Variants in MTA3 observed in about 807,000 individuals in gnomAD.
MTA3 encodes the protein metastasis-associated protein MTA3.
Under a neutral mutation model 83.5 loss-of-function variants are expected in MTA3, and 34 were observed. That is an observed-to-expected ratio of 0.41 (90% CI 0.31 to 0.54). MTA3 has a LOEUF of 0.54. MTA3 is among the 20% of genes least tolerant of loss of function. MTA3 has a pLI of 0.33. For missense variants in MTA3, 761 were observed against 726.4 expected (o/e 1.05, Z -0.55); for synonymous variants, 303 against 252.7 (o/e 1.20, Z -1.89).
At chr2:42,658,360 T>C (rs760006206) in intron 7 of MTA3, among the ~76,000 whole-genome samples, 1 of 152,168 alleles carries the variant, frequency 6.6e-6, no homozygotes, top group Non-Finnish European at 1.5e-5. Context: ...AAGATACGTA[T>C]ACAAATGGAT....
chr2:42,570,546 A>G, intron 2 of MTA3, 42 bp downstream of exon 2: 1 of 1,219,838 alleles, frequency 8.2e-7, no homozygotes, highest in Non-Finnish European at 1.1e-6. Context: ...AAAAATATTT[A>G]TTTTCCCTTG....
At chr2:42,541,041 T>G (rs1184834002) in intron 2 of MTA3, among the ~76,000 whole-genome samples, 7 of 151,740 alleles carry the variant, frequency 4.6e-5, no homozygotes. Context: ...ATTTTTTTTT[T>G]TTTTTTTGAG....
chr2:42,607,842 T>A (rs1683673693), intron 3 of MTA3, among the ~76,000 whole-genome samples: 1 of 152,118 alleles, frequency 6.6e-6, no homozygotes, highest in African/African-American at 2.4e-5. Flanking sequence ...TCCCAGCTAC[T>A]CAGGAGGCTG....
chr2:42,634,936 AG>A (rs1298492065), intron 4 of MTA3, among the ~76,000 whole-genome samples: 1 of 152,104 alleles, frequency 6.6e-6, no homozygotes, highest in African/African-American at 2.4e-5. Context: ...TGAACATGTC[AG>A]TATTATGTAT....
At chr2:42,504,270 C>A (rs113210289) in intron 2 of MTA3, among the ~76,000 whole-genome samples, 1 of 151,372 alleles carries the variant, frequency 6.6e-6, no homozygotes. Flanking sequence ...CAAAAGACTT[C>A]GCTCTGTCAT....
intron 2 of MTA3, among the ~76,000 whole-genome samples, chr2:42,520,357 A>G (rs772876933): frequency 4.6e-5 from 7 of 152,192 alleles, no homozygotes; most frequent in South Asian, 4.1e-4. Flanking sequence ...GAGCAAACCA[A>G]TGACCCTCTT....
chr2:42,677,766 G>A (rs557473837), intron 8 of MTA3, among the ~76,000 whole-genome samples: 1 of 152,288 alleles, frequency 6.6e-6, no homozygotes, highest in African/African-American at 2.4e-5. Context: ...CCCCAGCCAT[G>A]TGGAACTGTA....
At chr2:42,547,699 G>A (rs555055745) in intron 2 of MTA3, among the ~76,000 whole-genome samples, 6 of 152,334 alleles carry the variant, frequency 3.9e-5, no homozygotes, top group African/African-American at 1.4e-4. Context: ...CTTAGCTATT[G>A]TTACAGGCGC....
At chr2:42,540,823 A>G in intron 2 of MTA3, among the ~76,000 whole-genome samples, 1 of 150,082 alleles carries the variant, frequency 6.7e-6, no homozygotes, top group East Asian at 2.0e-4. Flanking sequence ...TGGCAGAGCA[A>G]GACCCTGTCT....
At chr2:42,709,298 T>C in intron 14 of MTA3, 2 of 1,406,912 alleles carry the variant, frequency 1.4e-6, no homozygotes, top group Non-Finnish European at 9.2e-7. Flanking sequence ...AATCAAAACA[T>C]TGAAACTTCT....
intron 2 of MTA3, among the ~76,000 whole-genome samples, chr2:42,534,473 T>G (rs1676125823): frequency 6.6e-6 from 1 of 152,098 alleles, no homozygotes; most frequent in Non-Finnish European, 1.5e-5. Flanking sequence ...GGTGAGCACC[T>G]GTAGTTCCAG....
intron 2 of MTA3, among the ~76,000 whole-genome samples, chr2:42,559,053 T>C (rs1677537814): frequency 6.6e-6 from 1 of 152,114 alleles, no homozygotes; most frequent in Non-Finnish European, 1.5e-5. Context: ...TGGCAGGTAA[T>C]CTCACCAGTC....
chr2:42,549,074 G>A (rs1676945434), intron 2 of MTA3, among the ~76,000 whole-genome samples: 1 of 137,126 alleles, frequency 7.3e-6, no homozygotes, highest in Admixed American at 8.6e-5. Flanking sequence ...CTCGGAGGCT[G>A]AGACAGGAGA....
intron 11 of MTA3, among the ~76,000 whole-genome samples, chr2:42,701,257 A>C (rs1174832689): frequency 7.1e-6 from 1 of 140,192 alleles, no homozygotes; most frequent in Non-Finnish European, 1.5e-5. Flanking sequence ...GGCCATGGTC[A>C]TGCCACTGCA....
chr2:42,730,050 C>G (rs1006149774), intron 16 of MTA3, among the ~76,000 whole-genome samples: 7 of 152,106 alleles, frequency 4.6e-5, no homozygotes, highest in African/African-American at 1.7e-4. Flanking sequence ...AGAAATACTA[C>G]TGATTTTTGT....
intron 4 of MTA3, among the ~76,000 whole-genome samples, chr2:42,614,938 C>G (rs1421070356): frequency 6.7e-6 from 1 of 150,086 alleles, no homozygotes; most frequent in Non-Finnish European, 1.5e-5. Context: ...GATTGTGACA[C>G]TGTACTTTAG....
Position 42,754,470 on chromosome 2 carries a change from C to A in MTA3, c.*1071C>A. ...GGCTTGGGCTCTTCGTGTTTCCCAC[C>A]TGCCCTCGGCACGAGCCCTTGGTGG... On this transcript the variant is annotated 3_prime_UTR_variant, in exon 17 of 17. Transcript: ENST00000405094. The A allele has an allele frequency of 1.0e-6, 1 of 985,588 alleles. No homozygotes were observed. Among genetic ancestry groups the A allele is most frequent in the Non-Finnish European group, 1.2e-6 (1 of 830,050 alleles). The allele number at this position is 985,588 out of a possible 1,614,324, so 61.1% of individuals were successfully genotyped here. A position where few individuals can be genotyped will look rare whatever the true frequency, so the allele number is the denominator to read the frequency against.
At chr2:42,626,996 C>G (rs1004204006) in intron 4 of MTA3, among the ~76,000 whole-genome samples, 2 of 152,228 alleles carry the variant, frequency 1.3e-5, no homozygotes, top group Admixed American at 1.3e-4. Context: ...CTGTCTTGGC[C>G]TCCCAAAGTG....
chr2:42,648,720 A>C (rs1688437575), intron 6 of MTA3, among the ~76,000 whole-genome samples: 1 of 152,182 alleles, frequency 6.6e-6, no homozygotes, highest in Non-Finnish European at 1.5e-5. Flanking sequence ...CCACCTAGAA[A>C]ATTTTCCATA....
Sources: gnomAD v4.1 joint callset for allele counts (sites outside exome capture counted in the v4.1 genomes callset) on GRCh38, gnomAD v4.1.1 for gene constraint, MANE v1.5 for transcripts, NCBI Gene and HGNC (gene_info 2026-07-23, HGNC 2026-07-21) for gene names.